PPP1R3F: variants seen among roughly 807,000 people sequenced by gnomAD.
The protein encoded by PPP1R3F is protein phosphatase 1, regulatory (inhibitor) subunit 3F.
Under a neutral mutation model 24.2 loss-of-function variants are expected in PPP1R3F, and 29 were observed. The ratio of observed to expected loss-of-function variants is 1.20; its 90% confidence interval spans 0.89 to 1.63. PPP1R3F has a LOEUF of 1.63. PPP1R3F is among the 40% of genes most tolerant of loss of function. The pLI, the probability that PPP1R3F is intolerant of heterozygous loss-of-function variation, is 0.00. For synonymous variants in PPP1R3F, 363 were observed against 340.1 expected (o/e 1.07, Z -0.74); for missense variants, 823 against 729.3 (o/e 1.13, Z -1.48).
chrX:49,285,930 G>C lies in PPP1R3F; in HGVS notation c.1240G>C (p.Ala414Pro). 8.3e-7 allele frequency: 1 copy of C among 1,208,678 alleles called. No individual in the cohort carries two copies. Residue 414 changes from alanine (A) to proline (P), a missense_variant, in exon 4 of 4, where the codon GCC becomes CCC. Transcript: ENST00000055335. ...TTTTACAGAGGTCCTCCAGGCACCG[G>C]CCATCAGGATTCCCCCCTCCTCCCC... ...VAFTEVLQAP[A>P]IRIPPSSPLC...
downstream of PPP1R3F, chrX:49,301,466 T>A (rs782185321): frequency 2.0e-6 from 1 of 512,150 alleles, no homozygotes; most frequent in Admixed American, 3.0e-5. Flanking sequence ...TTCTGCAAAG[T>A]AGTCTTGCGC....
chrX:49,300,964 T>G (rs1463109900), intron 3 of PPP1R3F, among the ~76,000 whole-genome samples: 2 of 112,107 alleles, frequency 1.8e-5, no homozygotes, highest in African/African-American at 6.5e-5. Flanking sequence ...TCTAACCATA[T>G]CAAATGTTAC....
Position 49,271,991 on chromosome X carries a change from C to G in PPP1R3F, c.1004+1118C>G, listed in dbSNP as rs147787605. ...TTTTTGCGGTCACCTAAGTCTGGCCCAGGATCACTAGATTCTCCCTAAAAT... is the reference window on the plus strand; with the variant it reads ...TTTTTGCGGTCACCTAAGTCTGGCCGAGGATCACTAGATTCTCCCTAAAAT... On this transcript the variant is annotated intron_variant, in intron 1 of 3. Transcript: ENST00000055335. Among the ~76,000 whole-genome samples the G allele has an allele frequency of 5.8e-3, 656 of 112,443 alleles. 3 individuals are homozygous for G. Among genetic ancestry groups the G allele is most frequent in the Non-Finnish European group, 0.011 (568 of 53,245 alleles).
At chrX:49,299,677 G>C (rs782216413) in intron 3 of PPP1R3F, among the ~76,000 whole-genome samples, 2 of 111,991 alleles carry the variant, frequency 1.8e-5, no homozygotes, top group South Asian at 7.4e-4. Flanking sequence ...CCCTGCCTGG[G>C]GCTGCTGCCT....
At position 49,270,754 on chromosome X, in the gene PPP1R3F, T is replaced by C. The variant is rs2147959218; in HGVS notation, c.885T>C (p.Asp295=). The C allele has an allele frequency of 8.3e-7, 1 of 1,202,137 alleles. No homozygotes were observed. Among genetic ancestry groups the C allele is most frequent in the East Asian group, 3.0e-5 (1 of 33,145 alleles). Residue 295 remains aspartate (D), a synonymous_variant, in exon 1 of 4, where the codon GAT becomes GAC. Coordinates refer to ENST00000055335, the MANE Select transcript of PPP1R3F (RefSeq NM_033215.5). ...LRIAPAPTPT[D]AEGLPQQQQL... is the part of the protein sequence containing the mutation. ...TCGCACCCGCTCCCACACCCACTGA[T>C]GCCGAAGGGCTGCCCCAGCAGCAGC...
chrX:49,290,592 G>A (rs1557122240), downstream of PPP1R3F, among the ~76,000 whole-genome samples: 1 of 111,328 alleles, frequency 9.0e-6, no homozygotes, highest in African/African-American at 3.3e-5. Context: ...GTAGGTGCAG[G>A]CTTTGGGGAA....
chrX:49,285,315 TGCCTCA>T (rs1392713774), intron 3 of PPP1R3F, among the ~76,000 whole-genome samples: 1 of 110,811 alleles, frequency 9.0e-6, no homozygotes, highest in African/African-American at 3.3e-5. Context: ...GTGATTCTCC[TGCCTCA>T]GCCTCTTGAG....
intron 1 of PPP1R3F, among the ~76,000 whole-genome samples, chrX:49,277,423 C>G (rs1003350446): frequency 8.9e-6 from 1 of 112,624 alleles, no homozygotes; most frequent in Admixed American, 9.3e-5. Context: ...ATCTGTGTGC[C>G]CTGGCCCCTA....
At chrX:49,283,405 G>A (rs60848121) in intron 3 of PPP1R3F, among the ~76,000 whole-genome samples, 3,555 of 110,875 alleles carry the variant, frequency 0.032, 129 homozygotes, top group African/African-American at 0.11. Context: ...GACGGGATCC[G>A]TTGCCTTGGC....
At chrX:49,297,716 T>C (rs1276649533) in intron 3 of PPP1R3F, among the ~76,000 whole-genome samples, 4 of 111,241 alleles carry the variant, frequency 3.6e-5, no homozygotes, top group Non-Finnish European at 5.7e-5. Flanking sequence ...AGTTACCTCT[T>C]CTTGTTGCAT....
chrX:49,270,870 G>A lies in PPP1R3F; in HGVS notation c.1001G>A (p.Arg334His), dbSNP rs782162159. The A allele has an allele frequency of 6.0e-6, 7 of 1,173,865 alleles. No homozygotes were observed. In the East Asian group the frequency reaches 1.3e-4, roughly 21 times the overall value. The change falls in exon 1 of 4, where the codon CGC becomes CAC. Residue 334 changes from arginine (R) to histidine (H), a missense_variant. By Grantham distance (29) the Arg-to-His change is conservative. Coordinates refer to ENST00000055335, the MANE Select transcript of PPP1R3F (RefSeq NM_033215.5). ...QLKSCMKPVR[R>H]RPAEEELKTK... ...AAGAGCTGCATGAAGCCGGTGAGGC[G>A]CAGGTAATGTCAGCCAGCGCCACCT...
rs1260320226 is a variant in PPP1R3F at position 49,286,895 on chromosome X, C to T, written c.2205C>T (p.Ser735=). The change falls in exon 4 of 4, where the codon AGC becomes AGT. Residue 735 remains serine (S), a synonymous_variant. Transcript: ENST00000055335. ...AGGATGAAAAGGATGCAGGCCCAAGCCTTGAACCCCCAAAGAAGTCTCCCA... is the reference window on the plus strand; with the variant it reads ...AGGATGAAAAGGATGCAGGCCCAAGTCTTGAACCCCCAAAGAAGTCTCCCA... ...SSQDEKDAGP[S]LEPPKKSPTL... is the part of the protein sequence containing the mutation. 2 of 1,192,965 alleles carry T rather than the reference C, an allele frequency of 1.7e-6. No individual in the cohort carries two copies. The highest frequency in any genetic ancestry group is 2.3e-6 in the Non-Finnish European group (2 of 886,474).
intron 3 of PPP1R3F, among the ~76,000 whole-genome samples, chrX:49,283,381 G>C (rs898695897): frequency 9.0e-6 from 1 of 110,644 alleles, no homozygotes; most frequent in Middle Eastern, 4.6e-3. Flanking sequence ...GCTAATTTTT[G>C]TATTTTTAGT....
At chrX:49,276,804 T>C (rs903412628) in intron 1 of PPP1R3F, among the ~76,000 whole-genome samples, 2 of 112,127 alleles carry the variant, frequency 1.8e-5, no homozygotes, top group African/African-American at 6.5e-5. Flanking sequence ...GGCAAAGCAG[T>C]GCCCCACATA....
intron 1 of PPP1R3F, among the ~76,000 whole-genome samples, chrX:49,275,953 A>G (rs1557119966): frequency 8.9e-6 from 1 of 112,504 alleles, no homozygotes; most frequent in Non-Finnish European, 1.9e-5. Flanking sequence ...TGGCAGCCTC[A>G]GGGGAAACCA....
chrX:49,277,837 A>G (rs1557120204), intron 1 of PPP1R3F, among the ~76,000 whole-genome samples: 1 of 112,516 alleles, frequency 8.9e-6, no homozygotes, highest in African/African-American at 3.2e-5. Context: ...ATTTGTAAAA[A>G]GGAAGGGTGT....
At chrX:49,270,894 C>T in intron 1 of PPP1R3F, 21 bp downstream of exon 1, 3 of 1,154,312 alleles carry the variant, frequency 2.6e-6, no homozygotes, top group Non-Finnish European at 3.5e-6. Context: ...CCAGCGCCAC[C>T]TCCGCCAACG....
chrX:49,291,315 TC>T (rs2066307960), downstream of PPP1R3F, among the ~76,000 whole-genome samples: 1 of 99,305 alleles, frequency 1.0e-5, no homozygotes, highest in African/African-American at 3.6e-5. Flanking sequence ...TCTCTCTCTC[TC>T]TCTCTCTCTC....
At position 49,269,833 on chromosome X, in the gene PPP1R3F, C is replaced by CGCCGCCGGT. The variant is rs1399428855; in HGVS notation, c.-32_-24dup. The CGCCGCCGGT allele has an allele frequency of 9.3e-6, 8 of 862,710 alleles. No individual in the cohort carries two copies. The highest frequency in any genetic ancestry group is 1.2e-4 in the South Asian group (2 of 16,440). The allele number at this position is 862,710 out of a possible 1,213,427, so 71.1% of individuals were successfully genotyped here. A position where few individuals can be genotyped will look rare whatever the true frequency, so the allele number is the denominator to read the frequency against. On this transcript the variant is annotated 5_prime_UTR_variant, in exon 1 of 4. Coordinates refer to ENST00000055335, the MANE Select transcript of PPP1R3F (RefSeq NM_033215.5). ...CTTCAGGCCCTGCCCCCGCCGGTCC[C>CGCCGCCGGT]GCCGCCGGTGCCGTCGGTGCCGCCG... is the stretch of plus-strand genomic sequence containing the variant.
Sources: gnomAD v4.1 joint callset for allele counts (sites outside exome capture counted in the v4.1 genomes callset) on GRCh38, gnomAD v4.1.1 for gene constraint, MANE v1.5 for transcripts, NCBI Gene and HGNC (gene_info 2026-07-23, HGNC 2026-07-21) for gene names.